Variants in TRMT44 observed in about 807,000 individuals in gnomAD.
TRMT44 encodes tRNA methyltransferase 44 homolog.
A neutral mutation model predicts 77.3 loss-of-function variants in TRMT44; 78 were observed. That is an observed-to-expected ratio of 1.01 (90% CI 0.84 to 1.22). The LOEUF is 1.22. Ranked by LOEUF, TRMT44 falls within the 50% of genes most tolerant of loss-of-function variation. TRMT44 has a pLI of 0.00. For missense variants in TRMT44, 1,090 were observed against 964.4 expected (o/e 1.13, Z -1.73); for synonymous variants, 391 against 383.3 (o/e 1.02, Z -0.23).
downstream of TRMT44, among the ~76,000 whole-genome samples, chr4:8,480,541 C>G (rs977981337): frequency 2.0e-5 from 3 of 152,202 alleles, no homozygotes; most frequent in Admixed American, 6.5e-5. Flanking sequence ...GCCATTTTGT[C>G]TCTTAATGCG....
intron 6 of TRMT44, 80 bp downstream of exon 6, chr4:8,454,893 T>G (rs1725703048): frequency 1.6e-6 from 2 of 1,276,758 alleles, no homozygotes; most frequent in Non-Finnish European, 2.3e-6. Context: ...ATGTGTCTCT[T>G]TGTATAGGTC....
chr4:8,442,897 G>C (rs969361382), intron 1 of TRMT44, among the ~76,000 whole-genome samples: 5 of 152,192 alleles, frequency 3.3e-5, no homozygotes, highest in African/African-American at 1.2e-4. Context: ...ATGGAGTTAG[G>C]CCGGGCTCAC....
the TRMT44 span, among the ~76,000 whole-genome samples, chr4:8,499,346 A>G: frequency 6.6e-6 from 1 of 152,156 alleles, no homozygotes; most frequent in Non-Finnish European, 1.5e-5. Context: ...GTGTTGTACA[A>G]GAAAATGCAA....
chr4:8,474,404 G>A (rs1021287621), intron 10 of TRMT44, among the ~76,000 whole-genome samples: 6 of 152,242 alleles, frequency 3.9e-5, no homozygotes, highest in African/African-American at 1.4e-4. Flanking sequence ...GTTGGGAGGC[G>A]AGACAGAGAG....
chr4:8,452,115 ATCCATAAC>A lies in TRMT44; in HGVS notation c.1023+89_1023+96del. On this transcript the variant is annotated intron_variant, in intron 4 of 10. Coordinates refer to ENST00000389737, the MANE Select transcript of TRMT44 (RefSeq NM_152544.3). This position sits in a 1 kb window ranked among gnomAD's most constrained non-coding sequence, Gnocchi z 5.7. ...CCCTGTAGTGAAGGACATTTTCCAA[ATCCATAAC>A]TGCCGGTGCTCACAATTCTGCTGGC... 1.7e-6 allele frequency: 2 copies of A among 1,203,520 alleles called. No individual in the cohort carries two copies. Among genetic ancestry groups the A allele is most frequent in the East Asian group, 5.1e-5 (2 of 38,882 alleles). The allele number at this position is 1,203,520 out of a possible 1,614,324, so 74.6% of individuals were successfully genotyped here.
chr4:8,467,796 T>C, intron 8 of TRMT44, 118 bp from the exon 9 acceptor site: 2 of 1,174,482 alleles, frequency 1.7e-6, no homozygotes, highest in Non-Finnish European at 1.2e-6. Flanking sequence ...TAAATCAGGA[T>C]TTTTTCATGA....
intron 1 of TRMT44, among the ~76,000 whole-genome samples, chr4:8,445,453 C>T (rs913984273): frequency 6.6e-6 from 1 of 152,262 alleles, no homozygotes; most frequent in South Asian, 2.1e-4. Context: ...CCTTCTACCA[C>T]TTGTCACCTT....
intron 10 of TRMT44, among the ~76,000 whole-genome samples, chr4:8,475,213 C>G (rs940529957): frequency 6.6e-6 from 1 of 152,240 alleles, no homozygotes; most frequent in Non-Finnish European, 1.5e-5. Flanking sequence ...CCTTGCCCCT[C>G]TTTCTGCCCG....
At position 8,452,387 on chromosome 4, in the gene TRMT44, T is replaced by A. The variant is rs957203285; in HGVS notation, c.1023+359T>A. 1.3e-5 allele frequency among the ~76,000 whole-genome samples: 2 copies of A among 152,254 alleles called. No individual in the cohort carries two copies. The highest frequency in any genetic ancestry group is 2.9e-5 in the Non-Finnish European group (2 of 68,050). On this transcript the variant is annotated intron_variant, in intron 4 of 10. Transcript: ENST00000389737. This position sits in a 1 kb window ranked among gnomAD's most constrained non-coding sequence, Gnocchi z 5.7. ...TTCCTCAGCTGGCTCGCTAGCTGGC[T>A]ACATTTGGACATGCCCTCTGATTTA... is the stretch of plus-strand genomic sequence containing the variant.
rs1193728427 is a variant in TRMT44 at position 8,464,020 on chromosome 4, C to T, written c.1239C>T (p.Phe413=). The change falls in exon 7 of 11, where the codon TTC becomes TTT. Residue 413 remains phenylalanine, a synonymous_variant. Coordinates refer to ENST00000389737, the MANE Select transcript of TRMT44 (RefSeq NM_152544.3). Reference sequence around the variant, plus strand: ...TCACACCCAATGATAAGACCCTTTTCCCTGATGTTGATTGGTTAATCGGTA... The same window carrying T: ...TCACACCCAATGATAAGACCCTTTTTCCTGATGTTGATTGGTTAATCGGTA... The part of the protein sequence containing the change: ...DAITPNDKTL[F]PDVDWLIGNH... 1.2e-6 allele frequency: 2 copies of T among 1,614,118 alleles called. No individual in the cohort carries two copies. The highest frequency in any genetic ancestry group is 1.7e-5 in the Admixed American group (1 of 60,006).
At chr4:8,507,853 C>A in the TRMT44 span, among the ~76,000 whole-genome samples, 1 of 152,174 alleles carries the variant, frequency 6.6e-6, no homozygotes. Context: ...AGCCCAGGCC[C>A]CCTGGGAAGC....
At chr4:8,460,768 G>A (rs1261741463) in intron 6 of TRMT44, among the ~76,000 whole-genome samples, 2 of 152,178 alleles carry the variant, frequency 1.3e-5, no homozygotes, top group Non-Finnish European at 2.9e-5. Flanking sequence ...TGGCCAGGCT[G>A]ATCTGGCTCT....
chr4:8,470,349 C>T (rs551818088), intron 9 of TRMT44, among the ~76,000 whole-genome samples: 1 of 152,166 alleles, frequency 6.6e-6, no homozygotes, highest in Admixed American at 6.5e-5. Context: ...AGACAGGCGC[C>T]GTCTCCTCCG....
rs1218165201 is a variant in TRMT44, at chr4:8,444,493, G to T, written c.620-1983G>T. ...GCTCACTGCAACCTCCGCCTCCTGGGTTCGAGCGATTCTCCTAACTTAGCC... is the reference window on the plus strand; with the variant it reads ...GCTCACTGCAACCTCCGCCTCCTGGTTTCGAGCGATTCTCCTAACTTAGCC... On this transcript the variant is annotated intron_variant, in intron 1 of 10. Transcript: ENST00000389737. The surrounding 1 kb of genome is among the most constrained non-coding windows in gnomAD (Gnocchi z 4.0). 6.6e-6 allele frequency among the ~76,000 whole-genome samples: 1 copy of T among 151,882 alleles called. No individual in the cohort carries two copies. The highest frequency in any genetic ancestry group is 1.5e-5 in the Non-Finnish European group (1 of 67,980).
the TRMT44 span, among the ~76,000 whole-genome samples, chr4:8,513,597 A>G: frequency 6.6e-6 from 1 of 152,242 alleles, no homozygotes; most frequent in Non-Finnish European, 1.5e-5. Context: ...GAATAAACAG[A>G]TGTCAAAGAG....
chr4:8,488,308 C>G (rs907434585), intron 2 of TRMT44, among the ~76,000 whole-genome samples: 1 of 152,192 alleles, frequency 6.6e-6, no homozygotes, highest in Non-Finnish European at 1.5e-5. Context: ...TTTGTGTGAG[C>G]AACATGGCTG....
chr4:8,480,217 C>T (rs959370500), downstream of TRMT44, among the ~76,000 whole-genome samples: 8 of 152,150 alleles, frequency 5.3e-5, no homozygotes, highest in East Asian at 1.9e-4. Context: ...GGCAAGTTTC[C>T]GAGCGGGAGT....
the TRMT44 span, chr4:8,507,020 G>A: frequency 6.6e-6 from 1 of 152,528 alleles, no homozygotes; most frequent in Non-Finnish European, 1.5e-5. Context: ...TGTGGACAGG[G>A]AGTCAGCTGC....
intron 9 of TRMT44, among the ~76,000 whole-genome samples, chr4:8,469,470 C>T (rs563554754): frequency 3.3e-5 from 5 of 152,340 alleles, no homozygotes; most frequent in Admixed American, 2.6e-4. Context: ...TCTGAAAGTT[C>T]CCACGTGCAG....
Sources: allele counts gnomAD v4.1 joint callset (sites outside exome capture counted in the v4.1 genomes callset), GRCh38; gene constraint gnomAD v4.1.1; non-coding constraint Gnocchi (gnomAD v3.1); transcripts MANE v1.5; gene names NCBI Gene and HGNC (gene_info 2026-07-23, HGNC 2026-07-21).